GALNT13: variants seen among roughly 807,000 people sequenced by gnomAD.
GALNT13 encodes the protein UDP-GalNAc:polypeptide N-acetylgalactosaminyltransferase 13.
In GALNT13, 28 loss-of-function variants were observed where a neutral mutation model predicts 64.2. The ratio of observed to expected loss-of-function variants is 0.44; its 90% confidence interval spans 0.32 to 0.60. The LOEUF (loss-of-function observed/expected upper bound fraction) is 0.60. GALNT13 is among the 20% of genes least tolerant of loss of function. The pLI is 0.05. For missense variants in GALNT13, 577 were observed against 669.8 expected (o/e 0.86, Z 1.53); for synonymous variants, 214 against 224.6 (o/e 0.95, Z 0.42).
At chr2:154,435,954 A>G (rs1020464711) in intron 11 of GALNT13, 4 of 152,214 alleles carry the variant, frequency 2.6e-5, no homozygotes, top group South Asian at 2.1e-4. Context: ...AATAATTTCC[A>G]GATAAAATCA....
chr2:153,595,396 A>T, the GALNT13 span, among the ~76,000 whole-genome samples: 1 of 151,898 alleles, frequency 6.6e-6, no homozygotes, highest in Non-Finnish European at 1.5e-5. Context: ...GAAGATATCT[A>T]TTAAAATAAA....
At chr2:153,994,987 G>A (rs998725505) in intron 3 of GALNT13, among the ~76,000 whole-genome samples, 2 of 151,844 alleles carry the variant, frequency 1.3e-5, no homozygotes, top group Non-Finnish European at 2.9e-5. Flanking sequence ...AATAATTTAA[G>A]TGTCTATACT....
At chr2:154,016,510 C>A (rs1400815569) in intron 3 of GALNT13, among the ~76,000 whole-genome samples, 2 of 152,236 alleles carry the variant, frequency 1.3e-5, no homozygotes, top group East Asian at 3.9e-4. Flanking sequence ...TTCCGCCTCC[C>A]TGGTTCAAGT....
chr2:153,628,425 G>A, the GALNT13 span, among the ~76,000 whole-genome samples: 17 of 152,080 alleles, frequency 1.1e-4, no homozygotes, highest in East Asian at 1.7e-3. Flanking sequence ...TCTTGTGCCC[G>A]TTTTCAAAGG....
chr2:153,285,681 C>G, the GALNT13 span, among the ~76,000 whole-genome samples: 1 of 152,008 alleles, frequency 6.6e-6, no homozygotes, highest in Non-Finnish European at 1.5e-5. Flanking sequence ...GAGTCCATAT[C>G]ATACTAAATG....
At position 154,140,284 on chromosome 2, in the gene GALNT13, A is replaced by G. The variant is rs918981786; in HGVS notation, c.143-53A>G. 59 of 1,308,138 alleles carry G rather than the reference A, an allele frequency of 4.5e-5. No homozygotes were observed. In the African/African-American group the frequency reaches 7.5e-4, roughly 17 times the overall value. The allele number at this position is 1,308,138 out of a possible 1,614,324, so 81.0% of individuals were successfully genotyped here. A position where few individuals can be genotyped will look rare whatever the true frequency, so the allele number is the denominator to read the frequency against. On this transcript the variant is annotated intron_variant, in intron 3 of 12. Coordinates refer to ENST00000392825, the MANE Select transcript of GALNT13 (RefSeq NM_052917.4). ...ATCAGACACACAAGTTTATTTATTC[A>G]GTTCATTATCTGTGTGTTTGTATGT...
chr2:153,712,673 T>C, the GALNT13 span, among the ~76,000 whole-genome samples: 1 of 152,188 alleles, frequency 6.6e-6, no homozygotes, highest in African/African-American at 2.4e-5. Context: ...TAAATGATTA[T>C]TTTTCAAATT....
At chr2:153,305,503 G>T in the GALNT13 span, among the ~76,000 whole-genome samples, 1 of 152,304 alleles carries the variant, frequency 6.6e-6, no homozygotes, top group South Asian at 2.1e-4. Flanking sequence ...GTAATTCATT[G>T]TGTTGCTAAG....
At chr2:153,620,882 G>T in the GALNT13 span, among the ~76,000 whole-genome samples, 1 of 151,802 alleles carries the variant, frequency 6.6e-6, no homozygotes, top group African/African-American at 2.4e-5. Context: ...CACTGTGTGG[G>T]CTTATTTGTA....
the GALNT13 span, among the ~76,000 whole-genome samples, chr2:153,133,541 TA>T: frequency 1.6e-3 from 244 of 152,278 alleles, 1 homozygote; most frequent in African/African-American, 5.2e-3. Flanking sequence ...TCTCCAAGCC[TA>T]ATCTTTCCTG....
intron 3 of GALNT13, among the ~76,000 whole-genome samples, chr2:153,967,901 G>T (rs1693480159): frequency 6.6e-6 from 1 of 152,026 alleles, no homozygotes; most frequent in Non-Finnish European, 1.5e-5. Flanking sequence ...GCAAAGGTCG[G>T]GAATTAGGCA....
chr2:153,248,687 G>T, the GALNT13 span, among the ~76,000 whole-genome samples: 1 of 151,752 alleles, frequency 6.6e-6, no homozygotes, highest in Admixed American at 6.6e-5. Context: ...GTGGTGGTGG[G>T]TGCCTGTAGT....
At chr2:154,242,009 C>A in intron 4 of GALNT13, 21 bp from the exon 5 acceptor site, 2 of 1,505,192 alleles carry the variant, frequency 1.3e-6, no homozygotes, top group Non-Finnish European at 9.0e-7. Flanking sequence ...ATTAAGATCC[C>A]TCTTCTTTTC....
intron 2 of GALNT13, among the ~76,000 whole-genome samples, chr2:153,929,422 T>C (rs922721158): frequency 1.3e-5 from 2 of 152,176 alleles, no homozygotes; most frequent in Non-Finnish European, 1.5e-5. Context: ...TGTGGAGGTT[T>C]GGTGTGCAGA....
downstream of GALNT13, chr2:154,454,550 C>T (rs1702003194): frequency 6.6e-6 from 1 of 152,018 alleles, no homozygotes; most frequent in South Asian, 2.1e-4. Flanking sequence ...GTAATTCCAA[C>T]TACTTGGGAG....
intron 9 of GALNT13, among the ~76,000 whole-genome samples, chr2:154,391,503 G>C (rs1170820237): frequency 1.3e-5 from 2 of 152,140 alleles, no homozygotes; most frequent in Non-Finnish European, 2.9e-5. Flanking sequence ...CTCACAGATG[G>C]AACTGGAAGA....
chr2:154,113,735 A>G (rs1703118358), intron 3 of GALNT13, among the ~76,000 whole-genome samples: 1 of 152,244 alleles, frequency 6.6e-6, no homozygotes, highest in South Asian at 2.1e-4. Context: ...ATCTTGCAGA[A>G]GTGAAGTGAT....
At chr2:153,111,454 G>C in the GALNT13 span, among the ~76,000 whole-genome samples, 1 of 151,984 alleles carries the variant, frequency 6.6e-6, no homozygotes, top group East Asian at 1.9e-4. Context: ...GTAGAAATAG[G>C]GATGTGTCTA....
the GALNT13 span, among the ~76,000 whole-genome samples, chr2:153,721,227 G>A: frequency 2.0e-5 from 3 of 149,128 alleles, no homozygotes; most frequent in Admixed American, 2.0e-4. Context: ...CATAAGTGAA[G>A]GAGAAATAAA....
Sources: allele counts gnomAD v4.1 joint callset (sites outside exome capture counted in the v4.1 genomes callset), GRCh38; gene constraint gnomAD v4.1.1; transcripts MANE v1.5; gene names NCBI Gene and HGNC (gene_info 2026-07-23, HGNC 2026-07-21).